Variants in ICA1 observed in about 807,000 individuals in gnomAD.
ICA1 encodes the protein 69 kDa islet cell autoantigen.
In ICA1, 40 loss-of-function variants were observed where a neutral mutation model predicts 71.0. The ratio of observed to expected loss-of-function variants is 0.56; its 90% CI spans 0.44 to 0.73. The LOEUF is 0.73. Among genes scored for constraint, ICA1 ranks in the 30% least tolerant of loss-of-function variants. ICA1 has a pLI of 0.00. For missense variants in ICA1, 578 were observed against 576.5 expected (o/e 1.00, Z -0.03); for synonymous variants, 207 against 209.5 (o/e 0.99, Z 0.10).
intron 6 of ICA1, among the ~76,000 whole-genome samples, chr7:8,194,291 T>A (rs760705754): frequency 6.6e-6 from 1 of 152,170 alleles, no homozygotes; most frequent in Non-Finnish European, 1.5e-5. Context: ...AGACCAAATG[T>A]AATAAATGTT....
chr7:8,192,493 T>C (rs1786030248), intron 6 of ICA1, among the ~76,000 whole-genome samples: 1 of 152,234 alleles, frequency 6.6e-6, no homozygotes, highest in South Asian at 2.1e-4. Flanking sequence ...ATCTTTTGGT[T>C]AAGATGGTGT....
At chr7:8,261,569 G>T (rs753780954) in intron 1 of ICA1, among the ~76,000 whole-genome samples, 1 of 152,102 alleles carries the variant, frequency 6.6e-6, no homozygotes, top group African/African-American at 2.4e-5. Context: ...TTATAAAGAG[G>T]TACCCATATG....
rs1788026757 is a variant in ICA1 at position 8,123,961 on chromosome 7, T to C, written c.1330+3912A>G. On this transcript the variant is annotated intron_variant, in intron 13 of 13. Coordinates refer to ENST00000402384, the MANE Select transcript of ICA1 (RefSeq NM_001136020.3). The surrounding 1 kb of genome is among the most constrained non-coding windows in gnomAD (Gnocchi z 4.1). ...TCAGTTTCCCAGGCAATAAAACGGATAATAGTAGCTGGCTGGGAAGGGTAC... is the reference window on the plus strand; with the variant it reads ...TCAGTTTCCCAGGCAATAAAACGGACAATAGTAGCTGGCTGGGAAGGGTAC... 6.6e-6 allele frequency among the ~76,000 whole-genome samples: 1 copy of C among 152,158 alleles called. No homozygotes were observed. Among genetic ancestry groups the C allele is most frequent in the South Asian group, 2.1e-4 (1 of 4,834 alleles).
Position 8,144,116 on chromosome 7 carries a change from G to A in ICA1, c.805-144C>T. ...AACTTTGAATTACAGGTATTGGGAG[G>A]TGACCTTGAACCAATCAGCTGGAAG... On this transcript the variant is annotated intron_variant, in intron 8 of 13. Transcript: ENST00000402384. This position sits in a 1 kb window ranked among gnomAD's most constrained non-coding sequence, Gnocchi z 4.5. The A allele has an allele frequency of 4.9e-6, 3 of 615,224 alleles. No homozygotes were observed. Among genetic ancestry groups the A allele is most frequent in the East Asian group, 2.7e-5 (1 of 36,594 alleles). The allele number at this position is 615,224 out of a possible 1,614,324, so 38.1% of individuals were successfully genotyped here.
At chr7:8,205,944 G>T (rs1350716416) in intron 6 of ICA1, among the ~76,000 whole-genome samples, 23 of 152,236 alleles carry the variant, frequency 1.5e-4, no homozygotes, top group Non-Finnish European at 2.1e-4. Context: ...AAGGCCTGGA[G>T]TTGGGTTGAA....
At chr7:8,169,282 G>T (rs1318791336) in intron 6 of ICA1, among the ~76,000 whole-genome samples, 1 of 151,936 alleles carries the variant, frequency 6.6e-6, no homozygotes, top group Non-Finnish European at 1.5e-5. Flanking sequence ...TTTGTTTATT[G>T]TTTCCAATTT....
chr7:8,235,301 T>C (rs1323962087), intron 2 of ICA1, among the ~76,000 whole-genome samples: 1 of 152,182 alleles, frequency 6.6e-6, no homozygotes, highest in East Asian at 1.9e-4. Context: ...TCAAAAGAAT[T>C]TGGAAACACT....
intron 4 of ICA1, chr7:8,227,716 G>C (rs774493972): frequency 1.7e-5 from 7 of 418,296 alleles, no homozygotes; most frequent in Non-Finnish European, 2.8e-5. Context: ...TGAGTAGCTG[G>C]GACTGCACAT....
chr7:8,231,880 T>C (rs910111254), intron 3 of ICA1, among the ~76,000 whole-genome samples: 26 of 152,236 alleles, frequency 1.7e-4, no homozygotes, highest in African/African-American at 6.0e-4. Context: ...TGGGCTTTTT[T>C]AGTCCCATTA....
In ICA1 at chr7:8,133,231, T is replaced by C. The variant is rs117120876; in HGVS notation, c.1061-5089A>G. Among the ~76,000 whole-genome samples the C allele has an allele frequency of 5.9e-3, 902 of 152,328 alleles. 49 individuals carry two copies. In the South Asian group the frequency reaches 0.11, roughly 19 times the overall value. ...CAGCAAAAAAGGCCCTCACCAGATGTGTCCCCTCAGAATTGGACATTTTAG... is the reference window on the plus strand; with the variant it reads ...CAGCAAAAAAGGCCCTCACCAGATGCGTCCCCTCAGAATTGGACATTTTAG... On this transcript the variant is annotated intron_variant, in intron 12 of 13. Transcript: ENST00000402384.
At chr7:8,127,791 A>T in intron 13 of ICA1, 82 bp downstream of exon 13, 1 of 1,410,952 alleles carries the variant, frequency 7.1e-7, no homozygotes, top group Admixed American at 2.3e-5. Flanking sequence ...AAAAAGACAA[A>T]GAAGGAAGAA....
intron 12 of ICA1, among the ~76,000 whole-genome samples, chr7:8,134,772 T>C (rs930356606): frequency 6.6e-6 from 1 of 151,952 alleles, no homozygotes; most frequent in Non-Finnish European, 1.5e-5. Flanking sequence ...TTCGCTCTGA[T>C]GAAAAATGAT....
chr7:8,136,317 T>A (rs534900828), intron 12 of ICA1, among the ~76,000 whole-genome samples: 1 of 152,274 alleles, frequency 6.6e-6, no homozygotes, highest in African/African-American at 2.4e-5. Flanking sequence ...CGTCCCCAAG[T>A]CCTATAAAGT....
intron 13 of ICA1, 24 bp downstream of exon 13, chr7:8,127,849 C>A: frequency 5.1e-6 from 8 of 1,562,740 alleles, no homozygotes; most frequent in Non-Finnish European, 6.9e-6. Flanking sequence ...CAAAAAACCC[C>A]ATTTCAATCC....
At chr7:8,178,590 T>TAA (rs528287124) in intron 6 of ICA1, among the ~76,000 whole-genome samples, 1 of 148,428 alleles carries the variant, frequency 6.7e-6, no homozygotes. Flanking sequence ...TTTTTTTTTT[T>TAA]AAAAAAGAAG....
intron 1 of ICA1, among the ~76,000 whole-genome samples, chr7:8,249,226 G>C (rs780081818): frequency 6.6e-6 from 1 of 152,336 alleles, no homozygotes; most frequent in East Asian, 1.9e-4. Context: ...CACAGCCTCT[G>C]GGCTGAGTCT....
chr7:8,123,969 G>T lies in ICA1; in HGVS notation c.1330+3904C>A, dbSNP rs758298014. On this transcript the variant is annotated intron_variant, in intron 13 of 13. Coordinates refer to ENST00000402384, the MANE Select transcript of ICA1 (RefSeq NM_001136020.3). This position sits in a 1 kb window ranked among gnomAD's most constrained non-coding sequence, Gnocchi z 4.1. ...CCAGGCAATAAAACGGATAATAGTA[G>T]CTGGCTGGGAAGGGTACGGTGAGGA... Among the ~76,000 whole-genome samples the T allele has an allele frequency of 2.2e-4, 33 of 152,354 alleles. 1 individual carries two copies. Among genetic ancestry groups the T allele is most frequent in the South Asian group, 6.2e-4 (3 of 4,832 alleles).
intron 8 of ICA1, among the ~76,000 whole-genome samples, chr7:8,150,150 T>C (rs1798324073): frequency 6.6e-6 from 1 of 152,236 alleles, no homozygotes; most frequent in African/African-American, 2.4e-5. Context: ...CATACTGTCC[T>C]GGAAACAAAT....
intron 5 of ICA1, chr7:8,218,746 C>T: frequency 1.9e-6 from 1 of 531,496 alleles, no homozygotes; most frequent in Non-Finnish European, 3.4e-6. Context: ...TGGCAAGCAC[C>T]TCCATCCGCG....
Sources: allele counts gnomAD v4.1 joint callset (sites outside exome capture counted in the v4.1 genomes callset), GRCh38; gene constraint gnomAD v4.1.1; non-coding constraint Gnocchi (gnomAD v3.1); transcripts MANE v1.5; gene names NCBI Gene and HGNC (gene_info 2026-07-23, HGNC 2026-07-21).